Variants in TMCO4 observed in about 807,000 individuals in gnomAD.
The protein encoded by TMCO4 is transmembrane and coiled-coil domains 4.
TMCO4 carries 58 observed loss-of-function variants against 64.7 expected under a neutral mutation model. That is an observed-to-expected ratio of 0.90 (90% CI 0.73 to 1.12). The LOEUF is 1.12. TMCO4 is among the 50% of genes most tolerant of loss of function. The probability of loss-of-function intolerance (pLI) is 0.00; values close to 1 mark genes in which losing one functional copy is unlikely to be tolerated. For synonymous variants in TMCO4, 325 were observed against 346.1 expected, an observed-to-expected ratio of 0.94 and a Z score of 0.68; for missense variants, 780 against 825.9, an observed-to-expected ratio of 0.94 and a Z score of 0.68.
chr1:19,796,903 C>T (rs1410105385), intron 2 of TMCO4, among the ~76,000 whole-genome samples: 1 of 152,068 alleles, frequency 6.6e-6, no homozygotes, highest in Non-Finnish European at 1.5e-5. Context: ...TTTACCACCA[C>T]CTGACAATGT....
chr1:19,746,587 C>T lies in TMCO4; in HGVS notation c.626G>A (p.Gly209Asp). 6.2e-7 allele frequency: 1 copy of T among 1,609,554 alleles called. No homozygotes were observed. The highest frequency in any genetic ancestry group is 8.5e-7 in the Non-Finnish European group (1 of 1,177,462). Residue 209 changes from glycine (G) to aspartate (D), a missense_variant, in exon 9 of 16, where the codon GGT (glycine) becomes GAT (aspartate). By Grantham distance (94) the Gly-to-Asp change is moderately conservative. Coordinates refer to ENST00000294543, the MANE Select transcript of TMCO4 (RefSeq NM_181719.7). ...AGCGGCAACAAGGGGTGCAGCTAGA[C>T]CTCCAGTCACACCTGTGGGAAAAGC... ...GGGTVIGVTG[G>D]LAAPLVAAGA...
intron 13 of TMCO4, among the ~76,000 whole-genome samples, chr1:19,705,018 G>GA (rs2095294906): frequency 6.6e-6 from 1 of 152,186 alleles, no homozygotes; most frequent in Non-Finnish European, 1.5e-5. Flanking sequence ...CTGACCTGGA[G>GA]ATAAGCTACG....
intron 15 of TMCO4, among the ~76,000 whole-genome samples, chr1:19,688,714 T>A (rs115861391): frequency 0.036 from 5,469 of 152,248 alleles, 354 homozygotes; most frequent in African/African-American, 0.12. Context: ...GCCTCAGTTT[T>A]CACACCTGTA....
chr1:19,749,590 A>G (rs1352593594), intron 7 of TMCO4, among the ~76,000 whole-genome samples: 1 of 151,296 alleles, frequency 6.6e-6, no homozygotes, highest in East Asian at 1.9e-4. Context: ...CTGGTCTCAA[A>G]CTCCTGGGCT....
At chr1:19,721,560 G>C (rs189113049) in intron 13 of TMCO4, among the ~76,000 whole-genome samples, 2 of 152,156 alleles carry the variant, frequency 1.3e-5, no homozygotes, top group Non-Finnish European at 2.9e-5. Flanking sequence ...AGGCCGAGGT[G>C]AGTGGATCGC....
chr1:19,753,686 C>T (rs1236376795), intron 7 of TMCO4, among the ~76,000 whole-genome samples: 2 of 152,138 alleles, frequency 1.3e-5, no homozygotes, highest in Admixed American at 6.5e-5. Context: ...GGGAAAGACA[C>T]GTGCCCAAGG....
intron 12 of TMCO4, among the ~76,000 whole-genome samples, chr1:19,737,986 A>C (rs980271430): frequency 1.3e-5 from 2 of 152,254 alleles, no homozygotes; most frequent in African/African-American, 4.8e-5. Flanking sequence ...TAAGGTAGTA[A>C]GTCAGATGGA....
chr1:19,716,805 G>A (rs1039317582), intron 13 of TMCO4, among the ~76,000 whole-genome samples: 1 of 152,128 alleles, frequency 6.6e-6, no homozygotes, highest in African/African-American at 2.4e-5. Flanking sequence ...TCCTTCTCTT[G>A]GTGCAGTTCA....
intron 13 of TMCO4, among the ~76,000 whole-genome samples, chr1:19,706,721 T>C (rs1035022367): frequency 1.3e-5 from 2 of 152,214 alleles, no homozygotes; most frequent in Admixed American, 6.5e-5. Flanking sequence ...AGTCATGTCT[T>C]TACCCCTCAG....
intron 13 of TMCO4, among the ~76,000 whole-genome samples, chr1:19,719,113 C>T (rs1228436195): frequency 1.3e-5 from 2 of 152,216 alleles, no homozygotes; most frequent in African/African-American, 4.8e-5. Flanking sequence ...TCTGTTCAAT[C>T]AGGCAGGCAC....
Position 19,683,192 on chromosome 1 carries a change from G to A in TMCO4, c.1753C>T (p.Pro585Ser). ...CCTTCAGACTGGTCCAGCCCTACTG[G>A]CACCTGGGCTTGGCTGGGGTCTGTG... Reference protein sequence around the residue: ...MSTDPSQAQVPVGLDQSEGAS... With the variant: ...MSTDPSQAQVSVGLDQSEGAS... Residue 585 changes from proline to serine, a missense_variant, in exon 16 of 16, where the codon CCA becomes TCA. By Grantham distance (74) the Pro-to-Ser change is moderately conservative. Transcript: ENST00000294543. 1 of 1,614,256 alleles carries A rather than the reference G, an allele frequency of 6.2e-7. No homozygotes were observed. Among genetic ancestry groups the A allele is most frequent in the Non-Finnish European group, 8.5e-7 (1 of 1,180,038 alleles).
At chr1:19,771,134 G>C (rs1172332420) in intron 5 of TMCO4, among the ~76,000 whole-genome samples, 174 bp downstream of exon 5, 1 of 147,094 alleles carries the variant, frequency 6.8e-6, no homozygotes, top group East Asian at 1.9e-4. Context: ...AGCATTAAGA[G>C]TAAATATTCA....
chr1:19,764,822 T>C (rs1293025889), intron 6 of TMCO4, among the ~76,000 whole-genome samples: 1 of 114,484 alleles, frequency 8.7e-6, no homozygotes. Flanking sequence ...GCCATTGCAC[T>C]CAAGAGTGAA....
At chr1:19,770,495 G>A (rs1163962275) in intron 6 of TMCO4, 47 bp downstream of exon 6, 1 of 1,611,226 alleles carries the variant, frequency 6.2e-7, no homozygotes, top group Non-Finnish European at 8.5e-7. Flanking sequence ...CTAGCCAAGG[G>A]TGCAGATGGG....
chr1:19,740,811 C>G lies in TMCO4; in HGVS notation c.1008G>C (p.Val336=), dbSNP rs753112759. ...ETILSGLANM[V]AQEALKYTVL... ...CTGTGTACTTTAGGGCCTCCTGGGC[C>G]ACCATGTTGGCGAGACCACTGAGGA... Residue 336 remains valine (V), a synonymous_variant, in exon 11 of 16, where the codon GTG becomes GTC. Coordinates refer to ENST00000294543, the MANE Select transcript of TMCO4 (RefSeq NM_181719.7). 6.8e-6 allele frequency: 11 copies of G among 1,613,598 alleles called. No individual in the cohort carries two copies. The South Asian group carries it at 1.2e-4, about 18-fold the overall frequency.
chr1:19,691,382 C>T (rs2095193635), intron 15 of TMCO4, among the ~76,000 whole-genome samples: 1 of 152,166 alleles, frequency 6.6e-6, no homozygotes, highest in Admixed American at 6.5e-5. Flanking sequence ...TGGTGTCAGG[C>T]CAGGTGAGAG....
At chr1:19,771,937 C>T (rs1305358018) in intron 4 of TMCO4, among the ~76,000 whole-genome samples, 2 of 152,156 alleles carry the variant, frequency 1.3e-5, no homozygotes, top group Admixed American at 6.5e-5. Context: ...GGATTACAAG[C>T]GTGAGACACC....
intron 3 of TMCO4, among the ~76,000 whole-genome samples, chr1:19,786,777 A>G (rs2043765221): frequency 6.6e-6 from 1 of 152,240 alleles, no homozygotes; most frequent in Non-Finnish European, 1.5e-5. Flanking sequence ...GAACATCTCT[A>G]AAGAATTTTA....
rs1483425826 is a variant in TMCO4 at position 19,739,968 on chromosome 1, G to A, written c.1043-8C>T. The A allele has an allele frequency of 1.9e-6, 3 of 1,611,302 alleles. No individual in the cohort carries two copies. The highest frequency in any genetic ancestry group is 1.1e-5 in the South Asian group (1 of 90,674). ...TCAGGGCAGCCACAATGCCTGGGGAGGTGAGATAGTGATGAAGGGAATGGC... is the reference window on the plus strand; with the variant it reads ...TCAGGGCAGCCACAATGCCTGGGGAAGTGAGATAGTGATGAAGGGAATGGC... On this transcript the variant is annotated splice_region_variant and splice_polypyrimidine_tract_variant and intron_variant, in intron 11 of 15. Coordinates refer to ENST00000294543, the MANE Select transcript of TMCO4 (RefSeq NM_181719.7).
Sources: gnomAD v4.1 joint callset for allele counts (sites outside exome capture counted in the v4.1 genomes callset) on GRCh38, gnomAD v4.1.1 for gene constraint, MANE v1.5 for transcripts, NCBI Gene and HGNC (gene_info 2026-07-23, HGNC 2026-07-21) for gene names.